Variants in LIN28A observed in about 807,000 individuals in gnomAD.
The protein encoded by LIN28A is protein lin-28 homolog A.
Under a neutral mutation model 21.1 loss-of-function variants are expected in LIN28A, and 11 were observed. The ratio of observed to expected loss-of-function variants is 0.52; its 90% CI spans 0.33 to 0.86. LIN28A has a LOEUF of 0.86. Ranked by LOEUF, LIN28A falls within the 40% of genes least tolerant of loss-of-function variation. The pLI, the probability that LIN28A is intolerant of heterozygous loss-of-function variation, is 0.03. For missense variants in LIN28A, 219 were observed against 279.8 expected, an observed-to-expected ratio of 0.78 and a Z score of 1.55; for synonymous variants, 111 against 108.7, an observed-to-expected ratio of 1.02 and a Z score of -0.13.
rs1340050663 is a variant in LIN28A, at chr1:26,411,332, C to T, written c.32-54C>T. On this transcript the variant is annotated intron_variant, in intron 1 of 3. Transcript: ENST00000326279. This position sits in a 1 kb window ranked among gnomAD's most constrained non-coding sequence, Gnocchi z 5.4. The stretch of plus-strand genomic sequence containing the variant: ...GGGTCTCCCTGCCTGGGGCCCGAGA[C>T]GGCCCTCCGATTCCGTGCCCCCCAG... 1 of 1,457,078 alleles carries T rather than the reference C, an allele frequency of 6.9e-7. No individual in the cohort carries two copies. Among genetic ancestry groups the T allele is most frequent in the South Asian group, 1.4e-5 (1 of 72,124 alleles). The allele number at this position is 1,457,078 out of a possible 1,614,324, so 90.3% of individuals were successfully genotyped here. A position where few individuals can be genotyped will look rare whatever the true frequency, so the allele number is the denominator to read the frequency against.
rs2075064313 is a variant in LIN28A, at chr1:26,427,123, A to G, written c.*665A>G. The G allele has an allele frequency of 6.5e-6, 1 of 153,034 alleles. No individual in the cohort carries two copies. The highest frequency in any genetic ancestry group is 2.1e-4 in the South Asian group (1 of 4,838). 9.5% of individuals were successfully genotyped at this position (153,034 alleles called of 1,614,324 possible). ...CCACTTTCTCCAGGATGCCAACTGCACTAGCTGTGTGCGAATGACGTATCT... is the reference window on the plus strand; with the variant it reads ...CCACTTTCTCCAGGATGCCAACTGCGCTAGCTGTGTGCGAATGACGTATCT... On this transcript the variant is annotated 3_prime_UTR_variant, in exon 4 of 4. Transcript: ENST00000326279.
At chr1:26,423,767 GGTTT>G (rs147518833) in intron 2 of LIN28A, among the ~76,000 whole-genome samples, 47,208 of 151,120 alleles carry the variant, frequency 0.31, 8,767 homozygotes, top group East Asian at 0.72. Context: ...TTTGTTTGTT[GGTTT>G]GTTTGTTTTG....
At chr1:26,420,427 A>G (rs1161557286) in intron 2 of LIN28A, among the ~76,000 whole-genome samples, 1 of 152,020 alleles carries the variant, frequency 6.6e-6, no homozygotes, top group African/African-American at 2.4e-5. Flanking sequence ...CAGCCTGGCC[A>G]ATAAGGTGAA....
chr1:26,417,568 C>T (rs137990146), intron 2 of LIN28A, among the ~76,000 whole-genome samples: 15 of 152,292 alleles, frequency 9.8e-5, no homozygotes, highest in African/African-American at 3.4e-4. Flanking sequence ...GTTAGGCCAG[C>T]TGCACTCAGC....
intron 2 of LIN28A, among the ~76,000 whole-genome samples, chr1:26,414,661 T>G (rs2074983045): frequency 6.6e-6 from 1 of 152,236 alleles, no homozygotes; most frequent in African/African-American, 2.4e-5. Flanking sequence ...GGGAAATAGA[T>G]AGCAAGCCCT....
chr1:26,416,841 A>T (rs1319536782), intron 2 of LIN28A, among the ~76,000 whole-genome samples: 1 of 151,762 alleles, frequency 6.6e-6, no homozygotes, highest in African/African-American at 2.4e-5. Context: ...CTGGTCTCGA[A>T]CTCCTGACCT....
In LIN28A at chr1:26,411,327, C is replaced by G; in HGVS notation, c.32-59C>G. 6.9e-7 allele frequency: 1 copy of G among 1,449,094 alleles called. No individual in the cohort carries two copies. The highest frequency in any genetic ancestry group is 9.1e-7 in the Non-Finnish European group (1 of 1,100,888). 89.8% of individuals were successfully genotyped at this position (1,449,094 alleles called of 1,614,324 possible). ...TACTCGGGTCTCCCTGCCTGGGGCC[C>G]GAGACGGCCCTCCGATTCCGTGCCC... On this transcript the variant is annotated intron_variant, in intron 1 of 3. Coordinates refer to ENST00000326279, the MANE Select transcript of LIN28A (RefSeq NM_024674.6). This position sits in a 1 kb window ranked among gnomAD's most constrained non-coding sequence, Gnocchi z 5.4.
chr1:26,426,251 C>T lies in LIN28A; in HGVS notation c.423C>T (p.Asn141=), dbSNP rs1249570113. The change falls in exon 4 of 4, where the codon AAC becomes AAT. Residue 141 remains asparagine (N), a synonymous_variant. Coordinates refer to ENST00000326279, the MANE Select transcript of LIN28A (RefSeq NM_024674.6). ...KRRSKGDRCY[N]CGGLDHHAKE... Reference sequence around the variant, plus strand: ...TCTTGCTTTGTACTAGGTGCTACAACTGTGGAGGTCTAGATCATCATGCCA... The same window carrying T: ...TCTTGCTTTGTACTAGGTGCTACAATTGTGGAGGTCTAGATCATCATGCCA... 1.9e-6 allele frequency: 3 copies of T among 1,613,896 alleles called. No individual in the cohort carries two copies. In the East Asian group the frequency reaches 6.7e-5, roughly 36 times the overall value.
chr1:26,415,181 G>T (rs1472164702), intron 2 of LIN28A, among the ~76,000 whole-genome samples: 1 of 152,172 alleles, frequency 6.6e-6, no homozygotes, highest in Non-Finnish European at 1.5e-5. Flanking sequence ...GCCCAGATTT[G>T]ACCAAGGGAC....
Position 26,426,478 on chromosome 1 carries a change from A to G in LIN28A, c.*20A>G. 1 of 1,599,134 alleles carries G rather than the reference A, an allele frequency of 6.3e-7. No homozygotes were observed. The highest frequency in any genetic ancestry group is 8.6e-7 in the Non-Finnish European group (1 of 1,166,522). ...AATTGAGCCACAATGGGTGGGGGCT[A>G]TTCTTTTGCTATCAGGAAGTTTTGA... is the stretch of plus-strand genomic sequence containing the variant. On this transcript the variant is annotated 3_prime_UTR_variant, in exon 4 of 4. Coordinates refer to ENST00000326279, the MANE Select transcript of LIN28A (RefSeq NM_024674.6).
intron 2 of LIN28A, among the ~76,000 whole-genome samples, chr1:26,416,183 G>T (rs554598137): frequency 3.3e-5 from 5 of 152,130 alleles, no homozygotes; most frequent in Non-Finnish European, 7.4e-5. Context: ...AGTAGAGAAG[G>T]GTTTTCGTCA....
chr1:26,425,285 T>C lies in LIN28A; in HGVS notation c.229-18T>C. On this transcript the variant is annotated intron_variant, in intron 2 of 3. Coordinates refer to ENST00000326279, the MANE Select transcript of LIN28A (RefSeq NM_024674.6). ...AATGGAAATTAATGTTAAAATTTAC[T>C]GCATTTCCCTTCACCAGAGTAAGCT... 1 of 1,604,876 alleles carries C rather than the reference T, an allele frequency of 6.2e-7. No individual in the cohort carries two copies. The highest frequency in any genetic ancestry group is 1.1e-5 in the South Asian group (1 of 90,066).
chr1:26,418,450 G>A (rs139697447), intron 2 of LIN28A, among the ~76,000 whole-genome samples: 6,505 of 152,036 alleles, frequency 0.043, 187 homozygotes, highest in South Asian at 0.081. Context: ...GCAGGCTGAG[G>A]CAGGAGAATG....
chr1:26,418,552 A>G (rs556401636), intron 2 of LIN28A, among the ~76,000 whole-genome samples: 48 of 151,664 alleles, frequency 3.2e-4, no homozygotes, highest in African/African-American at 9.2e-4. Context: ...TAAAAAAAAA[A>G]AAAAGAAAAA....
intron 2 of LIN28A, among the ~76,000 whole-genome samples, chr1:26,413,664 TG>T: frequency 6.6e-6 from 1 of 152,274 alleles, no homozygotes; most frequent in Admixed American, 6.5e-5. Flanking sequence ...AGCACAATGA[TG>T]GGTGGAAATT....
intron 2 of LIN28A, among the ~76,000 whole-genome samples, chr1:26,421,480 T>C (rs373092495): frequency 2.0e-5 from 3 of 152,338 alleles, no homozygotes; most frequent in Non-Finnish European, 4.4e-5. Context: ...TGTTGTGTAA[T>C]TCTTTTTTCT....
At chr1:26,417,582 GCTCTTGC>G (rs1206887280) in intron 2 of LIN28A, among the ~76,000 whole-genome samples, 29 of 152,154 alleles carry the variant, frequency 1.9e-4, no homozygotes, top group Admixed American at 8.5e-4. Flanking sequence ...ACTCAGCTCA[GCTCTTGC>G]CTCTTATTGC....
At chr1:26,416,050 T>TA (rs374874698) in intron 2 of LIN28A, among the ~76,000 whole-genome samples, 1 of 152,178 alleles carries the variant, frequency 6.6e-6, no homozygotes, top group African/African-American at 2.4e-5. Flanking sequence ...TGGAGTGCAG[T>TA]GGCACGAACT....
Position 26,410,880 on chromosome 1 carries a change from C to T in LIN28A, c.-12C>T. On this transcript the variant is annotated 5_prime_UTR_variant, in exon 1 of 4. Coordinates refer to ENST00000326279, the MANE Select transcript of LIN28A (RefSeq NM_024674.6). ...GACCAGGGGCCCGGGGCCACGGGCT[C>T]AGCCGACGACCATGGGCTCCGTGTC... The T allele has an allele frequency of 6.2e-7, 1 of 1,611,134 alleles. No homozygotes were observed. The highest frequency in any genetic ancestry group is 8.5e-7 in the Non-Finnish European group (1 of 1,179,164).
Sources: allele counts gnomAD v4.1 joint callset (sites outside exome capture counted in the v4.1 genomes callset), GRCh38; gene constraint gnomAD v4.1.1; non-coding constraint Gnocchi (gnomAD v3.1); transcripts MANE v1.5; gene names NCBI Gene and HGNC (gene_info 2026-07-23, HGNC 2026-07-21).